The following QTMAN variants were observed in gnomAD, a reference collection of about 807,000 sequenced individuals.
QTMAN encodes the protein tRNA-queuosine alpha-mannosyltransferase.
At chr2:144,104,570 A>C in the QTMAN span, among the ~76,000 whole-genome samples, 1 of 152,180 alleles carries the variant, frequency 6.6e-6, no homozygotes, top group Non-Finnish European at 1.5e-5. Flanking sequence ...AGGGGCGCCC[A>C]CAATTGCTGA....
At chr2:144,318,599 C>T in the QTMAN span, among the ~76,000 whole-genome samples, 1 of 152,194 alleles carries the variant, frequency 6.6e-6, no homozygotes, top group Non-Finnish European at 1.5e-5. Flanking sequence ...CAGCAACCTG[C>T]AGATCTTTTT....
At chr2:144,106,512 C>T in the QTMAN span, among the ~76,000 whole-genome samples, 1 of 152,272 alleles carries the variant, frequency 6.6e-6, no homozygotes, top group South Asian at 2.1e-4. Context: ...ACAAAGAAGG[C>T]TATTACATAA....
chr2:144,258,442 C>A, the QTMAN span, among the ~76,000 whole-genome samples: 1 of 152,110 alleles, frequency 6.6e-6, no homozygotes, highest in African/African-American at 2.4e-5. Context: ...CTTAGGTTAT[C>A]AAGGTAAGAA....
At chr2:144,199,948 G>A in the QTMAN span, among the ~76,000 whole-genome samples, 1 of 152,110 alleles carries the variant, frequency 6.6e-6, no homozygotes, top group African/African-American at 2.4e-5. Flanking sequence ...ACCCAGGACT[G>A]CTGATTCTCC....
At chr2:144,182,893 TA>T in the QTMAN span, among the ~76,000 whole-genome samples, 1 of 94,864 alleles carries the variant, frequency 1.1e-5, no homozygotes, top group African/African-American at 4.0e-5. Flanking sequence ...ATTTTATATA[TA>T]TATATATTAT....
At chr2:144,309,027 T>C in the QTMAN span, among the ~76,000 whole-genome samples, 2 of 152,152 alleles carry the variant, frequency 1.3e-5, no homozygotes, top group African/African-American at 4.8e-5. Flanking sequence ...AATATCAACA[T>C]CACTGGTAAT....
chr2:144,275,856 A>AAT, the QTMAN span, among the ~76,000 whole-genome samples: 391 of 150,946 alleles, frequency 2.6e-3, no homozygotes, highest in Middle Eastern at 6.9e-3. Flanking sequence ...AGAAGGCCTG[A>AAT]ATATATATAT....
At chr2:144,142,195 T>G in the QTMAN span, 1 of 530,932 alleles carries the variant, frequency 1.9e-6, no homozygotes, top group Non-Finnish European at 3.3e-6. Flanking sequence ...CATATCAGTA[T>G]CTACCAAAAT....
the QTMAN span, among the ~76,000 whole-genome samples, chr2:144,064,701 T>C: frequency 6.6e-6 from 1 of 152,162 alleles, no homozygotes; most frequent in South Asian, 2.1e-4. Context: ...TGTATGTTGT[T>C]TGAGAGGCAA....
chr2:144,253,328 T>C, the QTMAN span, among the ~76,000 whole-genome samples: 4 of 152,008 alleles, frequency 2.6e-5, no homozygotes, highest in African/African-American at 9.7e-5. Context: ...ATGCAGTAAA[T>C]TAGTACCAGG....
At chr2:144,274,188 C>T in the QTMAN span, among the ~76,000 whole-genome samples, 4 of 152,120 alleles carry the variant, frequency 2.6e-5, no homozygotes, top group African/African-American at 7.2e-5. Flanking sequence ...CATAGAGCTC[C>T]TAGAGCCCTT....
the QTMAN span, among the ~76,000 whole-genome samples, chr2:144,292,605 G>C: frequency 6.6e-6 from 1 of 152,024 alleles, no homozygotes; most frequent in African/African-American, 2.4e-5. Context: ...GTGACACTTA[G>C]AATTCTAAGA....
the QTMAN span, among the ~76,000 whole-genome samples, chr2:144,259,511 C>T: frequency 6.6e-6 from 1 of 152,066 alleles, no homozygotes; most frequent in Admixed American, 6.6e-5. Flanking sequence ...TGGCAAAAAC[C>T]GCAATGACTT....
At chr2:144,128,797 A>C in the QTMAN span, among the ~76,000 whole-genome samples, 1 of 152,106 alleles carries the variant, frequency 6.6e-6, no homozygotes, top group South Asian at 2.1e-4. Context: ...AACAAAATCG[A>C]CTGTCTAAAA....
At chr2:144,268,987 T>A in the QTMAN span, among the ~76,000 whole-genome samples, 1 of 152,044 alleles carries the variant, frequency 6.6e-6, no homozygotes, top group African/African-American at 2.4e-5. Context: ...TGAGGTTTCA[T>A]CATGTTGGCC....
At chr2:144,092,417 C>T in the QTMAN span, among the ~76,000 whole-genome samples, 15,404 of 151,980 alleles carry the variant, frequency 0.1, 1,580 homozygotes, top group African/African-American at 0.25. Flanking sequence ...CCTTGTGATC[C>T]GCCCACCTCG....
the QTMAN span, among the ~76,000 whole-genome samples, chr2:144,216,539 A>C: frequency 6.6e-6 from 1 of 152,312 alleles, no homozygotes; most frequent in East Asian, 1.9e-4. Context: ...ATGATTTCCT[A>C]TTATTCCTGA....
the QTMAN span, among the ~76,000 whole-genome samples, chr2:143,973,761 C>G: frequency 2.1e-4 from 31 of 150,696 alleles, no homozygotes; most frequent in Middle Eastern, 3.4e-3. Flanking sequence ...TGCACTCCAG[C>G]CTGGGCGACA....
At chr2:144,197,165 G>A in the QTMAN span, among the ~76,000 whole-genome samples, 1 of 152,022 alleles carries the variant, frequency 6.6e-6, no homozygotes, top group Non-Finnish European at 1.5e-5. Flanking sequence ...ATAACACAAT[G>A]GTATTTGTGT....
Sources: allele counts gnomAD v4.1 joint callset (sites outside exome capture counted in the v4.1 genomes callset), GRCh38; gene constraint gnomAD v4.1.1; transcripts MANE v1.5; gene names NCBI Gene and HGNC (gene_info 2026-07-23, HGNC 2026-07-21).